ASXL2: variants seen among roughly 807,000 people sequenced by gnomAD.
ASXL2 encodes putative Polycomb group protein ASXL2.
Under a neutral mutation model 122.0 loss-of-function variants are expected in ASXL2, and 23 were observed. The observed-to-expected ratio is 0.19, with a 90% CI of 0.14 to 0.27. The LOEUF is 0.27. ASXL2 is among the 10% of genes least tolerant of loss of function. ASXL2 has a pLI of 1.00. For missense variants in ASXL2, 1,518 were observed against 1,713.8 expected (o/e 0.89, Z 2.02); for synonymous variants, 650 against 637.0 (o/e 1.02, Z -0.31).
At chr2:25,790,592 T>G (rs917350277) in intron 5 of ASXL2, among the ~76,000 whole-genome samples, 2 of 151,984 alleles carry the variant, frequency 1.3e-5, no homozygotes, top group Non-Finnish European at 2.9e-5. Flanking sequence ...ATTAACGTCA[T>G]CCTACACCAA....
chr2:25,845,274 A>G (rs1437337071), intron 2 of ASXL2: 3 of 769,744 alleles, frequency 3.9e-6, no homozygotes, highest in Admixed American at 4.0e-5. Context: ...CTACCCTCTA[A>G]GAATTGGTTT....
chr2:25,747,679 AAC>A (rs1191259934), intron 12 of ASXL2, among the ~76,000 whole-genome samples: 5 of 152,188 alleles, frequency 3.3e-5, no homozygotes, highest in Admixed American at 3.3e-4. Flanking sequence ...GCAAAACCTA[AAC>A]AGTTACTCAG....
Position 25,743,126 on chromosome 2 carries a change from TGA to T in ASXL2, c.3209_3210del (p.Leu1070HisfsTer69). 1 of 1,613,954 alleles carries T rather than the reference TGA, an allele frequency of 6.2e-7. No homozygotes were observed. The highest frequency in any genetic ancestry group is 8.5e-7 in the Non-Finnish European group (1 of 1,179,850). ...AGATTCTGCCTCCGAACCCTCTGAA[TGA>T]GAGTCTGAAGGATCTGATCTTGGGT... ...KATQDQILQT[L>X]IQRVRRQNLL... On this transcript the variant is annotated frameshift_variant, in exon 13 of 13. Coordinates refer to ENST00000435504, the MANE Select transcript of ASXL2 (RefSeq NM_018263.6). LOFTEE classifies it high-confidence loss of function.
rs546915919 is a variant in ASXL2, at chr2:25,738,680, A to G, written c.*3349T>C. On this transcript the variant is annotated 3_prime_UTR_variant, in exon 13 of 13. Transcript: ENST00000435504. Reference sequence around the variant, plus strand: ...GCTCTCTAAGGTGGAGAAAGGCAATAATAAACAACAGAATGTTAACTGTCA... The same window carrying G: ...GCTCTCTAAGGTGGAGAAAGGCAATGATAAACAACAGAATGTTAACTGTCA... The G allele has an allele frequency of 2.6e-5, 4 of 152,334 alleles. No homozygotes were observed. The highest frequency in any genetic ancestry group is 7.2e-5 in the African/African-American group (3 of 41,574). 9.4% of individuals were successfully genotyped at this position (152,334 alleles called of 1,614,324 possible).
chr2:25,832,444 CAGAGGAATGAGAAAT>C (rs1382339007), intron 3 of ASXL2, among the ~76,000 whole-genome samples: 1 of 151,628 alleles, frequency 6.6e-6, no homozygotes, highest in East Asian at 1.9e-4. Flanking sequence ...AAAAGAGAAA[CAGAGGAATGAGAAAT>C]AGAGGAAACA....
intron 1 of ASXL2, among the ~76,000 whole-genome samples, chr2:25,863,987 C>T (rs1024318391): frequency 3.5e-5 from 5 of 144,240 alleles, no homozygotes; most frequent in East Asian, 2.0e-4. Flanking sequence ...GCCTGGGTAA[C>T]AGAGCGAGAC....
At chr2:25,777,293 G>A (rs2088561589) in intron 5 of ASXL2, among the ~76,000 whole-genome samples, 1 of 151,844 alleles carries the variant, frequency 6.6e-6, no homozygotes, top group Admixed American at 6.6e-5. Context: ...GTCTTGCTAT[G>A]TTGTCCAGGC....
At chr2:25,758,496 A>G (rs1266905090) in intron 9 of ASXL2, among the ~76,000 whole-genome samples, 1 of 152,142 alleles carries the variant, frequency 6.6e-6, no homozygotes, top group Non-Finnish European at 1.5e-5. Flanking sequence ...TAATTGTTCT[A>G]TCTTCCTTTT....
At chr2:25,812,916 A>T (rs2089190125) in intron 3 of ASXL2, among the ~76,000 whole-genome samples, 1 of 152,230 alleles carries the variant, frequency 6.6e-6, no homozygotes, top group Non-Finnish European at 1.5e-5. Flanking sequence ...CAAAATTATT[A>T]CACCGTTTTT....
intron 3 of ASXL2, among the ~76,000 whole-genome samples, chr2:25,821,254 A>G (rs543244068): frequency 6.6e-6 from 1 of 152,144 alleles, no homozygotes; most frequent in South Asian, 2.1e-4. Context: ...CTACTCCAGA[A>G]GCTGAGATGA....
At chr2:25,760,173 G>C (rs1032743509) in intron 8 of ASXL2, among the ~76,000 whole-genome samples, 1 of 150,188 alleles carries the variant, frequency 6.7e-6, no homozygotes, top group African/African-American at 2.4e-5. Context: ...AGTACACAAA[G>C]GATTAAAATG....
chr2:25,841,330 C>T (rs534813460), intron 2 of ASXL2, among the ~76,000 whole-genome samples: 4 of 152,078 alleles, frequency 2.6e-5, no homozygotes, highest in South Asian at 2.1e-4. Flanking sequence ...ATCACGGCAG[C>T]GAGAGAATAA....
chr2:25,763,135 A>ATC (rs2088283307), intron 8 of ASXL2, among the ~76,000 whole-genome samples: 1 of 152,192 alleles, frequency 6.6e-6, no homozygotes, highest in Non-Finnish European at 1.5e-5. Flanking sequence ...ATTTCAACAC[A>ATC]TCTCTCTCCA....
At chr2:25,837,462 G>A (rs1470033187) in intron 2 of ASXL2, among the ~76,000 whole-genome samples, 1 of 152,168 alleles carries the variant, frequency 6.6e-6, no homozygotes, top group African/African-American at 2.4e-5. Context: ...ATTTATTTCA[G>A]AACAGCCCAG....
At chr2:25,835,765 C>G (rs1019713778) in intron 2 of ASXL2, among the ~76,000 whole-genome samples, 4 of 152,116 alleles carry the variant, frequency 2.6e-5, no homozygotes, top group Non-Finnish European at 5.9e-5. Flanking sequence ...TTTAGCTAAA[C>G]AGTCTAAACT....
chr2:25,788,198 C>T (rs1484079781), intron 5 of ASXL2, among the ~76,000 whole-genome samples: 1 of 152,130 alleles, frequency 6.6e-6, no homozygotes, highest in African/African-American at 2.4e-5. Flanking sequence ...CCTCATCTCA[C>T]ATAATACAAA....
At chr2:25,748,659 T>A (rs1191977800) in intron 12 of ASXL2, among the ~76,000 whole-genome samples, 3 of 152,192 alleles carry the variant, frequency 2.0e-5, no homozygotes, top group Non-Finnish European at 4.4e-5. Flanking sequence ...TATATCCTAA[T>A]GAGTAATATT....
intron 11 of ASXL2, among the ~76,000 whole-genome samples, chr2:25,750,893 A>G (rs189027664): frequency 2.0e-4 from 30 of 152,260 alleles, no homozygotes; most frequent in Admixed American, 1.8e-3. Context: ...CTTCTCTGCA[A>G]TATCTGTGCA....
At chr2:25,823,940 TTC>T (rs927697560) in intron 3 of ASXL2, among the ~76,000 whole-genome samples, 5 of 152,162 alleles carry the variant, frequency 3.3e-5, no homozygotes, top group Non-Finnish European at 7.4e-5. Flanking sequence ...TTGGGATTAT[TTC>T]TCTGTTTGAA....
Sources: gnomAD v4.1 joint callset for allele counts (sites outside exome capture counted in the v4.1 genomes callset) on GRCh38, gnomAD v4.1.1 for gene constraint, MANE v1.5 for transcripts, NCBI Gene and HGNC (gene_info 2026-07-23, HGNC 2026-07-21) for gene names.